Variants in ANKS1B observed in about 807,000 individuals in gnomAD.
ANKS1B encodes ankyrin repeat and sterile alpha motif domain containing 1B, also known as ankyrin repeat and sterile alpha motif domain-containing protein 1B.
Under a neutral mutation model 148.3 loss-of-function variants are expected in ANKS1B, and 36 were observed. That is an observed-to-expected ratio of 0.24 (90% CI 0.19 to 0.32). The LOEUF (loss-of-function observed/expected upper bound fraction) is 0.32, where lower values mean the gene tolerates loss of function less well. ANKS1B is among the 10% of genes least tolerant of loss of function. ANKS1B has a pLI of 1.00. For missense variants in ANKS1B, 1,157 were observed against 1,542.6 expected, an observed-to-expected ratio of 0.75 and a Z score of 4.19; for synonymous variants, 542 against 560.8, an observed-to-expected ratio of 0.97 and a Z score of 0.47.
intron 1 of ANKS1B, among the ~76,000 whole-genome samples, chr12:99,888,821 A>G (rs989247950): frequency 6.6e-6 from 1 of 152,136 alleles, no homozygotes; most frequent in African/African-American, 2.4e-5. Flanking sequence ...GGTCTTAAGT[A>G]TGGTTACATA....
intron 4 of ANKS1B, among the ~76,000 whole-genome samples, chr12:99,805,548 G>C (rs1378226391): frequency 6.6e-6 from 1 of 151,950 alleles, no homozygotes; most frequent in East Asian, 1.9e-4. Flanking sequence ...GATCACTTGA[G>C]CCCAGGAGGT....
At chr12:99,347,614 T>C (rs73149186) in intron 12 of ANKS1B, among the ~76,000 whole-genome samples, 19,112 of 151,958 alleles carry the variant, frequency 0.13, 1,271 homozygotes, top group African/African-American at 0.17. Flanking sequence ...ATTGAGTTAG[T>C]AGAACAGAGA....
intron 8 of ANKS1B, among the ~76,000 whole-genome samples, chr12:99,735,311 A>C (rs2059512032): frequency 6.6e-6 from 1 of 152,202 alleles, no homozygotes. Context: ...AAAATAAAAA[A>C]GATCAACGAA....
intron 20 of ANKS1B, among the ~76,000 whole-genome samples, chr12:98,802,603 T>C (rs1328021763): frequency 2.9e-5 from 2 of 68,454 alleles, no homozygotes; most frequent in Non-Finnish European, 6.2e-5. Flanking sequence ...GCTTTTTTTT[T>C]TTTTTTTTTT....
intron 12 of ANKS1B, among the ~76,000 whole-genome samples, chr12:99,389,675 T>C (rs1182590884): frequency 2.0e-5 from 3 of 152,228 alleles, no homozygotes; most frequent in East Asian, 3.9e-4. Flanking sequence ...AGAGAGAAGA[T>C]ATATACAGCA....
At chr12:99,709,317 C>A (rs528973368) in intron 8 of ANKS1B, among the ~76,000 whole-genome samples, 276 of 152,246 alleles carry the variant, frequency 1.8e-3, no homozygotes, top group South Asian at 4.4e-3. Flanking sequence ...CAGTAAGCAT[C>A]AGGCAATTTT....
chr12:99,921,070 A>G (rs1296737829), intron 1 of ANKS1B, among the ~76,000 whole-genome samples: 1 of 152,162 alleles, frequency 6.6e-6, no homozygotes, highest in African/African-American at 2.4e-5. Flanking sequence ...TTTCTATCAG[A>G]GGCTTCAGTG....
At chr12:99,103,824 G>T (rs2058556182) in intron 15 of ANKS1B, among the ~76,000 whole-genome samples, 1 of 152,312 alleles carries the variant, frequency 6.6e-6, no homozygotes, top group Admixed American at 6.5e-5. Flanking sequence ...GAATTTAGGA[G>T]TTAGCTAGCT....
chr12:99,724,389 A>C (rs2058412037), intron 8 of ANKS1B, among the ~76,000 whole-genome samples: 1 of 152,210 alleles, frequency 6.6e-6, no homozygotes, highest in African/African-American at 2.4e-5. Flanking sequence ...ATCAACCAAG[A>C]GGAAGAAAGT....
At chr12:99,825,534 A>G (rs1416463108) in intron 1 of ANKS1B, 145 bp from the exon 2 acceptor site, 1 of 603,498 alleles carries the variant, frequency 1.7e-6, no homozygotes, top group Non-Finnish European at 3.0e-6. Context: ...TCTTCTATGA[A>G]TTCCCCTCAG....
At chr12:99,000,075 T>C (rs1432434064) in intron 17 of ANKS1B, among the ~76,000 whole-genome samples, 1 of 151,024 alleles carries the variant, frequency 6.6e-6, no homozygotes, top group Non-Finnish European at 1.5e-5. Context: ...AACGGGTGGG[T>C]AGAAGAAGAG....
chr12:99,547,405 T>A (rs2097180936), intron 9 of ANKS1B, among the ~76,000 whole-genome samples: 2 of 152,076 alleles, frequency 1.3e-5, no homozygotes, highest in Non-Finnish European at 2.9e-5. Context: ...CAACCCCTAA[T>A]TCATAAAAAA....
At chr12:99,019,672 CTAAA>C (rs2099944618) in intron 17 of ANKS1B, among the ~76,000 whole-genome samples, 1 of 152,106 alleles carries the variant, frequency 6.6e-6, no homozygotes, top group Non-Finnish European at 1.5e-5. Context: ...CTAAGCTTTC[CTAAA>C]TATTTTCCCA....
downstream of ANKS1B, among the ~76,000 whole-genome samples, chr12:98,739,616 T>C (rs958915631): frequency 2.6e-5 from 4 of 152,086 alleles, no homozygotes; most frequent in Non-Finnish European, 4.4e-5. Flanking sequence ...TGGATCTGTG[T>C]GCTGTCTTCT....
chr12:98,806,312 T>A (rs891634534), intron 20 of ANKS1B, among the ~76,000 whole-genome samples: 2 of 152,246 alleles, frequency 1.3e-5, no homozygotes, highest in Admixed American at 6.5e-5. Context: ...TTAAAATTTT[T>A]AAAAATTAGG....
intron 2 of ANKS1B, among the ~76,000 whole-genome samples, chr12:99,815,600 T>C (rs1565782989): frequency 6.6e-6 from 1 of 151,582 alleles, no homozygotes; most frequent in Non-Finnish European, 1.5e-5. Context: ...ATCCAAGTAG[T>C]GCACAATGTT....
intron 8 of ANKS1B, among the ~76,000 whole-genome samples, chr12:99,728,704 A>G (rs2058845279): frequency 6.6e-6 from 1 of 152,220 alleles, no homozygotes; most frequent in African/African-American, 2.4e-5. Flanking sequence ...AACAGCAAAG[A>G]CATGGAACCA....
intron 11 of ANKS1B, among the ~76,000 whole-genome samples, chr12:99,424,432 A>G (rs1420311195): frequency 6.7e-6 from 1 of 148,808 alleles, no homozygotes; most frequent in Admixed American, 6.6e-5. Flanking sequence ...AGAAATAAAC[A>G]GAAACCTGGT....
intron 17 of ANKS1B, among the ~76,000 whole-genome samples, chr12:98,991,327 G>GTA (rs2099926480): frequency 6.6e-6 from 1 of 152,152 alleles, no homozygotes; most frequent in Admixed American, 6.5e-5. Flanking sequence ...TGCATATAGG[G>GTA]TACACAGAAG....
Sources: allele counts gnomAD v4.1 joint callset (sites outside exome capture counted in the v4.1 genomes callset), GRCh38; gene constraint gnomAD v4.1.1; transcripts MANE v1.5; gene names NCBI Gene and HGNC (gene_info 2026-07-23, HGNC 2026-07-21).